GPC5: variants seen among roughly 807,000 people sequenced by gnomAD.
GPC5 encodes glypican-5.
Under a neutral mutation model 53.9 loss-of-function variants are expected in GPC5, and 47 were observed. The ratio of observed to expected loss-of-function variants is 0.87; its 90% CI spans 0.69 to 1.11. GPC5 has a LOEUF of 1.11. Ranked by LOEUF, GPC5 falls within the 50% of genes most tolerant of loss-of-function variation. GPC5 has a pLI of 0.00. For missense variants in GPC5, 748 were observed against 713.1 expected (o/e 1.05, Z -0.56); for synonymous variants, 286 against 263.3 (o/e 1.09, Z -0.84).
intron 7 of GPC5, among the ~76,000 whole-genome samples, chr13:92,815,572 A>C (rs1877443132): frequency 6.6e-6 from 1 of 151,918 alleles, no homozygotes; most frequent in Non-Finnish European, 1.5e-5. Flanking sequence ...CACCAGTGGA[A>C]TACTATAAGC....
At chr13:91,678,608 T>G (rs1303116368) in intron 2 of GPC5, among the ~76,000 whole-genome samples, 1 of 152,168 alleles carries the variant, frequency 6.6e-6, no homozygotes, top group Non-Finnish European at 1.5e-5. Context: ...AGGGTACAAG[T>G]TAATGACAAT....
At chr13:92,529,616 A>G (rs1000783454) in intron 7 of GPC5, among the ~76,000 whole-genome samples, 8 of 152,104 alleles carry the variant, frequency 5.3e-5, no homozygotes, top group African/African-American at 1.9e-4. Context: ...GCCCACTCCA[A>G]CCTCCAGAAT....
chr13:92,800,320 A>T (rs570398174), intron 7 of GPC5, among the ~76,000 whole-genome samples: 24 of 151,954 alleles, frequency 1.6e-4, no homozygotes, highest in Non-Finnish European at 3.1e-4. Context: ...CCCCTTCTCG[A>T]GACTATGAAG....
chr13:92,185,358 C>T (rs2042176270), intron 7 of GPC5, among the ~76,000 whole-genome samples: 1 of 152,146 alleles, frequency 6.6e-6, no homozygotes, highest in Admixed American at 6.5e-5. Flanking sequence ...CTTACCTGAT[C>T]TCCAGCTCAA....
At chr13:91,542,653 A>C (rs1005012567) in intron 2 of GPC5, among the ~76,000 whole-genome samples, 1 of 152,072 alleles carries the variant, frequency 6.6e-6, no homozygotes, top group Non-Finnish European at 1.5e-5. Context: ...TCCATCCGGA[A>C]AGTGTGATTG....
At chr13:91,494,927 G>T (rs1418822010) in intron 2 of GPC5, among the ~76,000 whole-genome samples, 2 of 152,058 alleles carry the variant, frequency 1.3e-5, no homozygotes, top group African/African-American at 4.8e-5. Flanking sequence ...AAATCATACA[G>T]CTTCAAATAT....
intron 3 of GPC5, among the ~76,000 whole-genome samples, chr13:91,726,410 G>A (rs1433213354): frequency 6.6e-6 from 1 of 152,138 alleles, no homozygotes; most frequent in East Asian, 1.9e-4. Flanking sequence ...TTCAGCTGTG[G>A]CATTTTACAT....
At chr13:92,476,286 T>C (rs1242842681) in intron 7 of GPC5, among the ~76,000 whole-genome samples, 1 of 151,950 alleles carries the variant, frequency 6.6e-6, no homozygotes, top group Non-Finnish European at 1.5e-5. Context: ...AAAAAACACA[T>C]GAAAAAATGC....
intron 3 of GPC5, among the ~76,000 whole-genome samples, chr13:91,725,960 T>C (rs1284188199): frequency 6.6e-6 from 1 of 152,202 alleles, no homozygotes; most frequent in Non-Finnish European, 1.5e-5. Flanking sequence ...TATTTCAAAC[T>C]GTTCTGTGGT....
At chr13:91,905,259 C>G (rs1471526397) in intron 5 of GPC5, among the ~76,000 whole-genome samples, 1 of 151,944 alleles carries the variant, frequency 6.6e-6, no homozygotes, top group Non-Finnish European at 1.5e-5. Context: ...AGCAGTGCTA[C>G]AGATAATTTA....
chr13:91,615,695 C>T (rs542397200), intron 2 of GPC5, among the ~76,000 whole-genome samples: 2 of 152,282 alleles, frequency 1.3e-5, no homozygotes, highest in Non-Finnish European at 2.9e-5. Flanking sequence ...TTCCTGAAGA[C>T]CTCTGTCTCC....
At chr13:92,318,773 G>T (rs139140432) in intron 7 of GPC5, among the ~76,000 whole-genome samples, 1 of 151,996 alleles carries the variant, frequency 6.6e-6, no homozygotes, top group East Asian at 1.9e-4. Flanking sequence ...ATGTTCTTAC[G>T]GTAGAAATGA....
At chr13:92,643,296 G>C (rs1885654926) in intron 7 of GPC5, among the ~76,000 whole-genome samples, 1 of 152,156 alleles carries the variant, frequency 6.6e-6, no homozygotes, top group African/African-American at 2.4e-5. Context: ...TGAAGTCCTT[G>C]CCCATGCCTA....
At chr13:92,019,747 A>G (rs544720259) in intron 6 of GPC5, among the ~76,000 whole-genome samples, 3 of 152,204 alleles carry the variant, frequency 2.0e-5, no homozygotes, top group South Asian at 4.1e-4. Context: ...ATTTGGTGGG[A>G]CATTCCTTGG....
At chr13:92,188,753 A>T (rs1339234501) in intron 7 of GPC5, among the ~76,000 whole-genome samples, 2 of 151,894 alleles carry the variant, frequency 1.3e-5, no homozygotes, top group Non-Finnish European at 2.9e-5. Context: ...TTGAACATGG[A>T]GGAAAAAGAA....
chr13:92,442,237 C>A (rs1415517647), intron 7 of GPC5, among the ~76,000 whole-genome samples: 1 of 152,106 alleles, frequency 6.6e-6, no homozygotes, highest in Non-Finnish European at 1.5e-5. Context: ...CTTCTGGATA[C>A]CCCAAATTTA....
At chr13:92,090,293 A>G (rs1326486336) in intron 6 of GPC5, among the ~76,000 whole-genome samples, 7 of 152,174 alleles carry the variant, frequency 4.6e-5, no homozygotes, top group Non-Finnish European at 1.0e-4. Context: ...AGGCTGAATG[A>G]TGGTGACCCC....
At chr13:91,630,083 A>G (rs1336998589) in intron 2 of GPC5, among the ~76,000 whole-genome samples, 1 of 151,984 alleles carries the variant, frequency 6.6e-6, no homozygotes, top group Non-Finnish European at 1.5e-5. Context: ...TCAAAGAATG[A>G]CTCCTTGTAG....
At chr13:92,337,113 C>G (rs761860170) in intron 7 of GPC5, among the ~76,000 whole-genome samples, 15 of 151,528 alleles carry the variant, frequency 9.9e-5, no homozygotes, top group Non-Finnish European at 2.2e-4. Flanking sequence ...CACAGTCAGA[C>G]GATACCACCT....
Sources: allele counts gnomAD v4.1 joint callset (sites outside exome capture counted in the v4.1 genomes callset), GRCh38; gene constraint gnomAD v4.1.1; transcripts MANE v1.5; gene names NCBI Gene and HGNC (gene_info 2026-07-23, HGNC 2026-07-21).